Variants in TMEM255B observed in about 807,000 individuals in gnomAD.
TMEM255B encodes family with sequence similarity 70, member B.
TMEM255B carries 35 observed loss-of-function variants against 34.5 expected under a neutral mutation model. The observed-to-expected ratio is 1.01, with a 90% CI of 0.77 to 1.34. The LOEUF (loss-of-function observed/expected upper bound fraction) is 1.34. TMEM255B is among the 40% of genes most tolerant of loss of function. The pLI, the probability that TMEM255B is intolerant of heterozygous loss-of-function variation, is 0.00. For synonymous variants in TMEM255B, 206 were observed against 201.2 expected (o/e 1.02, Z -0.20); for missense variants, 432 against 433.2 (o/e 1.00, Z 0.02).
intron 3 of TMEM255B, among the ~76,000 whole-genome samples, chr13:113,792,673 C>T (rs561342038): frequency 3.9e-5 from 6 of 152,338 alleles, no homozygotes; most frequent in Middle Eastern, 3.4e-3. Context: ...CTACACCATG[C>T]GATGGGCTCC....
At position 113,814,535 on chromosome 13, in the gene TMEM255B, G is replaced by C. The variant is rs569601037; in HGVS notation, c.*2632G>C. The stretch of plus-strand genomic sequence containing the variant: ...ATGTGAACAATTTGACTCAAGGTTC[G>C]TGGTGGCTGGAGGGTCCCCCAGGTC... On this transcript the variant is annotated 3_prime_UTR_variant, in exon 9 of 9. Coordinates refer to ENST00000375353, the MANE Select transcript of TMEM255B (RefSeq NM_182614.4). 6.6e-6 allele frequency: 1 copy of C among 152,182 alleles called. No homozygotes were observed. The highest frequency in any genetic ancestry group is 1.5e-5 in the Non-Finnish European group (1 of 68,050). 9.4% of individuals were successfully genotyped at this position (152,182 alleles called of 1,614,324 possible). A position where few individuals can be genotyped will look rare whatever the true frequency, so the allele number is the denominator to read the frequency against.
At chr13:113,792,454 C>T (rs79341792) in intron 3 of TMEM255B, among the ~76,000 whole-genome samples, 2,916 of 152,362 alleles carry the variant, frequency 0.019, 89 homozygotes, top group African/African-American at 0.066. Context: ...GTGCAGCCCC[C>T]AGCACCTTCC....
At chr13:113,804,448 C>A (rs936460686) in intron 7 of TMEM255B, among the ~76,000 whole-genome samples, 1 of 150,780 alleles carries the variant, frequency 6.6e-6, no homozygotes. Context: ...GCTTTTTTCT[C>A]CCCCCCCAAA....
At chr13:113,799,239 T>C (rs1234169429) in intron 4 of TMEM255B, 100 bp from the exon 5 acceptor site, 4 of 1,129,944 alleles carry the variant, frequency 3.5e-6, no homozygotes, top group Non-Finnish European at 1.3e-6. Context: ...CCTTGGTCCT[T>C]GAGGCCCTGA....
chr13:113,775,076 C>A lies in TMEM255B; in HGVS notation c.252+5916C>A, dbSNP rs573768957. Among the ~76,000 whole-genome samples the A allele has an allele frequency of 1.6e-3, 230 of 147,536 alleles. 3 individuals are homozygous for A. The highest frequency in any genetic ancestry group is 0.013 in the Admixed American group (200 of 14,884). On this transcript the variant is annotated intron_variant, in intron 3 of 8. Transcript: ENST00000375353. ...AACACACCACACACCACACACTCCA[C>A]ACACACCACATACACCACACACAGC... is the stretch of plus-strand genomic sequence containing the variant.
chr13:113,776,017 CCCCT>C (rs2050571550), intron 3 of TMEM255B, among the ~76,000 whole-genome samples: 1 of 152,200 alleles, frequency 6.6e-6, no homozygotes, highest in African/African-American at 2.4e-5. Flanking sequence ...TTCCGGGCCG[CCCCT>C]CCTGGACCGT....
rs1280034095 is a variant in TMEM255B at position 113,770,590 on chromosome 13, G to A, written c.252+1430G>A. Among the ~76,000 whole-genome samples, 1 of 152,228 alleles carries A rather than the reference G, an allele frequency of 6.6e-6. No individual in the cohort carries two copies. Among genetic ancestry groups the A allele is most frequent in the African/African-American group, 2.4e-5 (1 of 41,468 alleles). ...CTGCATAGTAGAGACAGTGTGCACT[G>A]CAGGGTGAGCTGCCGTTCTTGGCTA... On this transcript the variant is annotated intron_variant, in intron 3 of 8. Transcript: ENST00000375353. The surrounding 1 kb of genome is among the most constrained non-coding windows in gnomAD (Gnocchi z 4.6).
intron 8 of TMEM255B, among the ~76,000 whole-genome samples, chr13:113,807,048 C>T (rs1399224819): frequency 1.3e-5 from 2 of 152,232 alleles, no homozygotes; most frequent in East Asian, 3.9e-4. Flanking sequence ...TCAGCCCCTT[C>T]CTCTTCTCTG....
intron 8 of TMEM255B, 25 bp downstream of exon 8, chr13:113,805,053 G>C: frequency 6.3e-7 from 1 of 1,579,476 alleles, no homozygotes; most frequent in Non-Finnish European, 8.6e-7. Flanking sequence ...ACCTGCTGGA[G>C]TTGGACGCGC....
At chr13:113,802,575 G>T (rs1457856148) in intron 7 of TMEM255B, among the ~76,000 whole-genome samples, 1 of 150,674 alleles carries the variant, frequency 6.6e-6, no homozygotes, top group Non-Finnish European at 1.5e-5. Flanking sequence ...CGCACATCAT[G>T]CAGGCCAGAC....
chr13:113,766,062 C>A, intron 1 of TMEM255B, 53 bp from the exon 2 acceptor site: 1 of 1,605,736 alleles, frequency 6.2e-7, no homozygotes, highest in Non-Finnish European at 8.5e-7. Flanking sequence ...GCTGGCCTGA[C>A]GCCCTCCTGA....
chr13:113,795,226 G>A lies in TMEM255B; in HGVS notation c.331G>A (p.Ala111Thr). 1.2e-6 allele frequency: 2 copies of A among 1,613,682 alleles called. No homozygotes were observed. Among genetic ancestry groups the A allele is most frequent in the Non-Finnish European group, 8.5e-7 (1 of 1,179,904 alleles). The change falls in exon 4 of 9, where the codon GCA becomes ACA. Residue 111 changes from alanine (A) to threonine (T), a missense_variant. By Grantham distance (58) the Ala-to-Thr change is moderately conservative (BLOSUM62 0). Transcript: ENST00000375353. ...CGCCATCGTGGACGGCGTATTTGCA[G>A]CACAGCACATTGTGAGTACATTGTC... ...CCAIVDGVFA[A>T]QHIEPRPLTT...
chr13:113,774,086 C>G (rs1044902303), intron 3 of TMEM255B, among the ~76,000 whole-genome samples: 1 of 148,660 alleles, frequency 6.7e-6, no homozygotes, highest in African/African-American at 2.5e-5. Flanking sequence ...CCCTCCTTGC[C>G]CCCCACCCAA....
intron 3 of TMEM255B, among the ~76,000 whole-genome samples, chr13:113,779,738 G>A (rs553485865): frequency 2.5e-4 from 38 of 152,188 alleles, no homozygotes; most frequent in Non-Finnish European, 4.9e-4. Context: ...GGGGAAAAAG[G>A]AAAAATTGAA....
chr13:113,810,098 G>A (rs1319294525), intron 8 of TMEM255B, among the ~76,000 whole-genome samples: 3 of 152,164 alleles, frequency 2.0e-5, no homozygotes, highest in African/African-American at 4.8e-5. Context: ...AGCTCCCAGG[G>A]CGTCTGCAGT....
Position 113,766,169 on chromosome 13 carries a change from T to C in TMEM255B, c.101T>C (p.Leu34Pro). 1 of 1,614,208 alleles carries C rather than the reference T, an allele frequency of 6.2e-7. No individual in the cohort carries two copies. Among genetic ancestry groups the C allele is most frequent in the Non-Finnish European group, 8.5e-7 (1 of 1,180,026 alleles). The change falls in exon 2 of 9, where the codon CTG (leucine) becomes CCG (proline). Residue 34 changes from leucine (L) to proline (P), a missense_variant. Leu to Pro is a moderately conservative substitution (Grantham distance 98). Transcript: ENST00000375353. ...CTCTGGTTTGTGGGGTCTCTGCTGC[T>C]GGTGTCCGTCCTCATAGTCACCGTC... ...TSLWFVGSLL[L>P]VSVLIVTVGL...
chr13:113,799,978 G>C, intron 5 of TMEM255B: 1 of 1,267,120 alleles, frequency 7.9e-7, no homozygotes, highest in Non-Finnish European at 1.0e-6. Flanking sequence ...CAGCACGCGT[G>C]TCAGAGGAGG....
Position 113,814,017 on chromosome 13 carries a change from G to C in TMEM255B, c.*2114G>C, listed in dbSNP as rs759134972. The C allele has an allele frequency of 2.0e-5, 3 of 152,142 alleles. No individual in the cohort carries two copies. The highest frequency in any genetic ancestry group is 2.1e-4 in the South Asian group (1 of 4,832). 9.4% of individuals were successfully genotyped at this position (152,142 alleles called of 1,614,324 possible). ...GGGAGATGCACTCACGAGCGCCTGTGGGGGAAGAAAAGTGTGCCACGGATT... is the reference window on the plus strand; with the variant it reads ...GGGAGATGCACTCACGAGCGCCTGTCGGGGAAGAAAAGTGTGCCACGGATT... On this transcript the variant is annotated 3_prime_UTR_variant, in exon 9 of 9. Coordinates refer to ENST00000375353, the MANE Select transcript of TMEM255B (RefSeq NM_182614.4).
chr13:113,784,497 G>T (rs887850876), intron 3 of TMEM255B, among the ~76,000 whole-genome samples: 3 of 152,030 alleles, frequency 2.0e-5, no homozygotes, highest in South Asian at 2.1e-4. Context: ...CTGGAGCCAC[G>T]TGAGGAAGAC....
Sources: allele counts gnomAD v4.1 joint callset (sites outside exome capture counted in the v4.1 genomes callset), GRCh38; gene constraint gnomAD v4.1.1; non-coding constraint Gnocchi (gnomAD v3.1); transcripts MANE v1.5; gene names NCBI Gene and HGNC (gene_info 2026-07-23, HGNC 2026-07-21).